The following C2orf76 variants were observed in gnomAD, a reference collection of about 807,000 sequenced individuals.
The protein encoded by C2orf76 is UPF0538 protein C2orf76.
A neutral mutation model predicts 16.9 loss-of-function variants in C2orf76; 23 were observed. The ratio of observed to expected loss-of-function variants is 1.36; its 90% CI spans 0.98 to 1.93. The LOEUF (loss-of-function observed/expected upper bound fraction) is 1.93, where lower values mean the gene tolerates loss of function less well. C2orf76 is among the 30% of genes most tolerant of loss of function. C2orf76 has a pLI of 0.00. For missense variants in C2orf76, 152 were observed against 152.6 expected (o/e 1.00, Z 0.02); for synonymous variants, 48 against 52.3 (o/e 0.92, Z 0.35).
chr2:119,334,708 A>G (rs1223450582), intron 2 of C2orf76, among the ~76,000 whole-genome samples: 1 of 149,388 alleles, frequency 6.7e-6, no homozygotes, highest in Non-Finnish European at 1.5e-5. Context: ...AACAAAATAT[A>G]TATATATATA....
At chr2:119,360,791 C>T (rs887362880) in intron 1 of C2orf76, among the ~76,000 whole-genome samples, 13 of 152,086 alleles carry the variant, frequency 8.5e-5, no homozygotes, top group South Asian at 4.1e-4. Context: ...TGGAATAGTA[C>T]TCAGGGATAA....
At chr2:119,352,704 G>C (rs1680442317) in intron 1 of C2orf76, among the ~76,000 whole-genome samples, 1 of 152,142 alleles carries the variant, frequency 6.6e-6, no homozygotes, top group Non-Finnish European at 1.5e-5. Flanking sequence ...CCTAATTCAT[G>C]CATTGTTTCT....
chr2:119,322,433 C>CCTGAACT (rs1011424533), intron 2 of C2orf76, among the ~76,000 whole-genome samples: 59 of 152,170 alleles, frequency 3.9e-4, no homozygotes, highest in African/African-American at 1.3e-3. Flanking sequence ...GTCTCAAACT[C>CCTGAACT]CTGAACTTAA....
At chr2:119,355,684 G>A (rs1443863014) in intron 1 of C2orf76, among the ~76,000 whole-genome samples, 2 of 152,092 alleles carry the variant, frequency 1.3e-5, no homozygotes, top group South Asian at 2.1e-4. Flanking sequence ...TGCTCCTTAT[G>A]AGAATCTAAT....
chr2:119,356,396 C>CA (rs34898813), intron 1 of C2orf76, among the ~76,000 whole-genome samples: 23,637 of 95,544 alleles, frequency 0.25, 3,816 homozygotes, highest in Middle Eastern at 0.3. Flanking sequence ...GACTCTGTCT[C>CA]AAAAAAAAAA....
At chr2:119,285,532 G>A in the C2orf76 span, among the ~76,000 whole-genome samples, 5 of 152,054 alleles carry the variant, frequency 3.3e-5, no homozygotes, top group African/African-American at 7.2e-5. Flanking sequence ...TTTCTCTGTC[G>A]TATCCCACCC....
At chr2:119,305,078 A>G (rs1678735479) in intron 5 of C2orf76, among the ~76,000 whole-genome samples, 1 of 152,196 alleles carries the variant, frequency 6.6e-6, no homozygotes, top group South Asian at 2.1e-4. Context: ...GTGCCTTGGC[A>G]TGGGAATCTG....
chr2:119,334,705 T>A (rs868130194), intron 2 of C2orf76, among the ~76,000 whole-genome samples: 3,851 of 111,606 alleles, frequency 0.035, 164 homozygotes, highest in African/African-American at 0.11. Context: ...AAAAACAAAA[T>A]ATATATATAT....
chr2:119,360,503 T>G (rs1248540473), intron 1 of C2orf76, among the ~76,000 whole-genome samples: 1 of 135,258 alleles, frequency 7.4e-6, no homozygotes, highest in African/African-American at 2.8e-5. Flanking sequence ...AAAAAAAAGA[T>G]ATATACACCT....
intron 1 of C2orf76, among the ~76,000 whole-genome samples, chr2:119,347,393 G>C (rs1680238813): frequency 6.6e-6 from 1 of 152,130 alleles, no homozygotes; most frequent in Non-Finnish European, 1.5e-5. Flanking sequence ...TCTTTGTATG[G>C]ATCCTAATTT....
intron 5 of C2orf76, among the ~76,000 whole-genome samples, chr2:119,305,546 G>A (rs1678749960): frequency 1.3e-5 from 2 of 152,146 alleles, no homozygotes; most frequent in Non-Finnish European, 1.5e-5. Flanking sequence ...GGAAAAAGGA[G>A]CCTGAGACAC....
intron 5 of C2orf76, 50 bp from the exon 6 acceptor site, chr2:119,302,598 T>C: frequency 8.7e-7 from 1 of 1,147,906 alleles, no homozygotes; most frequent in Non-Finnish European, 1.2e-6. Flanking sequence ...AAATCTAAAT[T>C]TTAAACAAGT....
intron 3 of C2orf76, among the ~76,000 whole-genome samples, chr2:119,319,876 A>T (rs979465329): frequency 1.3e-5 from 2 of 152,194 alleles, no homozygotes; most frequent in African/African-American, 4.8e-5. Context: ...TGACAGGTGA[A>T]AATAACACTG....
chr2:119,345,224 A>G (rs1680160483), intron 1 of C2orf76, among the ~76,000 whole-genome samples: 1 of 152,232 alleles, frequency 6.6e-6, no homozygotes, highest in South Asian at 2.1e-4. Context: ...TTAACAGGCA[A>G]CTGGCTAAAC....
intron 4 of C2orf76, among the ~76,000 whole-genome samples, chr2:119,312,183 C>T (rs1378860851): frequency 1.3e-5 from 2 of 152,210 alleles, no homozygotes; most frequent in Non-Finnish European, 2.9e-5. Flanking sequence ...CTCACCTGGT[C>T]AGCGACAGAG....
At chr2:119,330,433 A>T (rs150059927) in intron 2 of C2orf76, among the ~76,000 whole-genome samples, 20 of 150,352 alleles carry the variant, frequency 1.3e-4, no homozygotes, top group Non-Finnish European at 2.4e-4. Context: ...TGTCAATTTC[A>T]TCTTTGTTCC....
chr2:119,357,470 T>C (rs1057026691), intron 1 of C2orf76, among the ~76,000 whole-genome samples: 3 of 151,788 alleles, frequency 2.0e-5, no homozygotes, highest in Non-Finnish European at 2.9e-5. Context: ...TCACATCAAG[T>C]GATACAGAAA....
At position 119,350,152 on chromosome 2, in the gene C2orf76, C is replaced by T. The variant is rs1169542745; in HGVS notation, c.-12-10181G>A. Among the ~76,000 whole-genome samples, 17 of 147,076 alleles carry T rather than the reference C, an allele frequency of 1.2e-4. No individual in the cohort carries two copies. In the South Asian group the frequency reaches 3.4e-3, roughly 30 times the overall value. ...GGAGGAAAAAAAACCTGATTTCTTC[C>T]ATTTCCTAAGGACACACGAACATGG... On this transcript the variant is annotated intron_variant, in intron 1 of 5. Transcript: ENST00000334816.
chr2:119,290,172 GA>G, the C2orf76 span, among the ~76,000 whole-genome samples: 1 of 151,504 alleles, frequency 6.6e-6, no homozygotes, highest in Non-Finnish European at 1.5e-5. Context: ...CAAGCTAAAG[GA>G]CAGCTTCCAA....
Sources: allele counts gnomAD v4.1 joint callset (sites outside exome capture counted in the v4.1 genomes callset), GRCh38; gene constraint gnomAD v4.1.1; transcripts MANE v1.5; gene names NCBI Gene and HGNC (gene_info 2026-07-23, HGNC 2026-07-21).